CLOCK: variants seen among roughly 807,000 people sequenced by gnomAD.
The protein encoded by CLOCK is clock circadian regulator, also known as circadian locomoter output cycles protein kaput.
Under a neutral mutation model 118.4 loss-of-function variants are expected in CLOCK, and 43 were observed. The observed-to-expected ratio is 0.36, with a 90% CI of 0.28 to 0.47. CLOCK has a LOEUF of 0.47. Ranked by LOEUF, CLOCK falls within the 20% of genes least tolerant of loss-of-function variation. The pLI is 1.00. For missense variants in CLOCK, 846 were observed against 999.9 expected, an observed-to-expected ratio of 0.85 and a Z score of 2.08; for synonymous variants, 326 against 339.2, an observed-to-expected ratio of 0.96 and a Z score of 0.43.
chr4:55,515,439 A>G (rs1729444240), intron 1 of CLOCK, among the ~76,000 whole-genome samples: 1 of 152,178 alleles, frequency 6.6e-6, no homozygotes. Flanking sequence ...CAGTGGCACA[A>G]TCTCGGCTCA....
chr4:55,448,650 A>AG (rs1404334873), intron 18 of CLOCK, 129 bp downstream of exon 18: 2 of 552,884 alleles, frequency 3.6e-6, no homozygotes, highest in Non-Finnish European at 6.7e-6. Context: ...GTGTGCTCCT[A>AG]CCTCAGCCTC....
chr4:55,440,419 G>A (rs181885685), intron 21 of CLOCK, among the ~76,000 whole-genome samples: 8 of 152,202 alleles, frequency 5.3e-5, no homozygotes, highest in African/African-American at 1.9e-4. Flanking sequence ...TGCCTTTTCT[G>A]TGAGATGAAG....
chr4:55,489,888 C>G (rs1727556108), intron 2 of CLOCK, among the ~76,000 whole-genome samples: 1 of 151,520 alleles, frequency 6.6e-6, no homozygotes, highest in Non-Finnish European at 1.5e-5. Context: ...CATGTGAGGA[C>G]TGACACAAGA....
At position 55,521,432 on chromosome 4, in the gene CLOCK, G is replaced by A. The variant is rs749378672; in HGVS notation, c.-289-11367C>T. Among the ~76,000 whole-genome samples, 8 of 152,256 alleles carry A rather than the reference G, an allele frequency of 5.3e-5. No homozygotes were observed. In the East Asian group the frequency reaches 1.2e-3, roughly 22 times the overall value. On this transcript the variant is annotated intron_variant, in intron 1 of 22. Coordinates refer to ENST00000513440, the MANE Select transcript of CLOCK (RefSeq NM_004898.4). ...GGGGTTTCACCGTGTTAGTCACACC[G>A]GTCTTGAACTCCTGACCTAAGGTGA...
At chr4:55,439,621 T>C (rs1336101326) in intron 21 of CLOCK, among the ~76,000 whole-genome samples, 1 of 152,176 alleles carries the variant, frequency 6.6e-6, no homozygotes, top group Admixed American at 6.5e-5. Flanking sequence ...CAAGACTCCA[T>C]TGACAGACGG....
rs1389762364 is a variant in CLOCK, at chr4:55,459,175, T to C, written c.646A>G (p.Ile216Val). 1.9e-6 allele frequency: 3 copies of C among 1,604,374 alleles called. No individual in the cohort carries two copies. Among genetic ancestry groups the C allele is most frequent in the Non-Finnish European group, 1.7e-6 (2 of 1,171,200 alleles). The change falls in exon 10 of 23, where the codon ATA (isoleucine) becomes GTA (valine). Residue 216 changes from isoleucine (I) to valine (V), a missense_variant. Ile to Val is a conservative substitution (Grantham distance 29, BLOSUM62 3). Transcript: ENST00000513440. ...EPSTYEYVKF[I>V]GNFKSLNSVS... is the part of the protein sequence containing the mutation. ...CTGTTTAAAGATTTGAAATTTCCTA[T>C]AAATTTTACATATTCATAGGTAGAT... is the stretch of plus-strand genomic sequence containing the variant.
chr4:55,497,170 T>C (rs1728137296), intron 2 of CLOCK, among the ~76,000 whole-genome samples: 1 of 152,176 alleles, frequency 6.6e-6, no homozygotes, highest in African/African-American at 2.4e-5. Flanking sequence ...AATTCCCTCC[T>C]GTAAGCTCTA....
chr4:55,449,421 T>C lies in CLOCK; in HGVS notation c.1424A>G (p.Gln475Arg). The change falls in exon 17 of 23, where the codon CAA becomes CGA. Residue 475 changes from glutamine to arginine, a missense_variant. Transcript: ENST00000513440. ...QHLPAHEKMVQRRSSFSSQSI... is the reference protein window; with the variant it reads ...QHLPAHEKMVRRRSSFSSQSI... ...CTGACTACTAAATGATGACCTTCTT[T>C]GCACCATCTTCTCATGAGCTGGTAA... is the stretch of plus-strand genomic sequence containing the variant. 1 of 1,614,014 alleles carries C rather than the reference T, an allele frequency of 6.2e-7. No individual in the cohort carries two copies. The highest frequency in any genetic ancestry group is 1.1e-5 in the South Asian group (1 of 91,084).
At chr4:55,456,092 AT>A in intron 12 of CLOCK, 89 bp from the exon 13 acceptor site, 13 of 1,363,888 alleles carry the variant, frequency 9.5e-6, no homozygotes, top group Non-Finnish European at 1.2e-5. Context: ...GGGGGGCTTT[AT>A]TTTTCAAAAA....
intron 1 of CLOCK, among the ~76,000 whole-genome samples, chr4:55,539,296 C>A (rs1731100342): frequency 6.7e-6 from 1 of 150,220 alleles, no homozygotes; most frequent in Admixed American, 6.6e-5. Context: ...GGTGAAACTG[C>A]CGTGCATGGT....
intron 2 of CLOCK, 55 bp from the exon 3 acceptor site, chr4:55,489,520 T>C (rs1213921847): frequency 6.6e-6 from 1 of 152,098 alleles, no homozygotes; most frequent in Admixed American, 6.5e-5. Flanking sequence ...AAGTTTATCA[T>C]TAAAAGGGTT....
chr4:55,470,301 T>A (rs1475405193), intron 8 of CLOCK, among the ~76,000 whole-genome samples: 1 of 152,180 alleles, frequency 6.6e-6, no homozygotes, highest in Non-Finnish European at 1.5e-5. Context: ...TAGGTATTTT[T>A]AAACATATAA....
intron 8 of CLOCK, among the ~76,000 whole-genome samples, chr4:55,467,067 C>G (rs995545060): frequency 9.9e-5 from 15 of 152,086 alleles, no homozygotes; most frequent in African/African-American, 3.1e-4. Flanking sequence ...CTACCTTGTC[C>G]ATTTTTCTGT....
intron 6 of CLOCK, among the ~76,000 whole-genome samples, chr4:55,477,476 A>C (rs573921268): frequency 6.6e-6 from 1 of 151,834 alleles, no homozygotes; most frequent in East Asian, 1.9e-4. Flanking sequence ...AAGGAAGCTG[A>C]AAAAAAATCC....
intron 8 of CLOCK, among the ~76,000 whole-genome samples, chr4:55,464,617 G>A (rs1377866533): frequency 6.6e-6 from 1 of 152,186 alleles, no homozygotes; most frequent in Non-Finnish European, 1.5e-5. Context: ...GAAGTAAAAA[G>A]GAGCTGAGAA....
chr4:55,470,795 A>C lies in CLOCK; in HGVS notation c.360T>G (p.Gly120=), dbSNP rs1334750593. The change falls in exon 8 of 23, where the codon GGT becomes GGG. Residue 120 remains glycine (G), a synonymous_variant. Coordinates refer to ENST00000513440, the MANE Select transcript of CLOCK (RefSeq NM_004898.4). ...CATCTGTCATGATTGCTAAAAAAAA[A>C]CCATCAAGAGCCTGAAATTAAACAT... The part of the protein sequence containing the change: ...FTQLMLEALD[G]FFLAIMTDGS... 82 of 1,609,134 alleles carry C rather than the reference A, an allele frequency of 5.1e-5. No individual in the cohort carries two copies. The highest frequency in any genetic ancestry group is 6.5e-5 in the Non-Finnish European group (77 of 1,176,348).
At chr4:55,498,020 T>C (rs1218577182) in intron 2 of CLOCK, among the ~76,000 whole-genome samples, 1 of 152,028 alleles carries the variant, frequency 6.6e-6, no homozygotes, top group African/African-American at 2.4e-5. Context: ...ATTTCATTAG[T>C]ACTATAAATC....
intron 9 of CLOCK, among the ~76,000 whole-genome samples, chr4:55,460,301 T>C (rs1238639735): frequency 2.0e-5 from 3 of 152,240 alleles, no homozygotes; most frequent in Non-Finnish European, 2.9e-5. Flanking sequence ...AAGGTTCTTC[T>C]GATCCTAAAT....
intron 1 of CLOCK, among the ~76,000 whole-genome samples, chr4:55,526,982 G>A (rs1378640285): frequency 2.1e-5 from 3 of 140,328 alleles, no homozygotes; most frequent in South Asian, 2.3e-4. Context: ...ACTCCGTAAT[G>A]AGGCAACAAT....
Sources: gnomAD v4.1 joint callset for allele counts (sites outside exome capture counted in the v4.1 genomes callset) on GRCh38, gnomAD v4.1.1 for gene constraint, MANE v1.5 for transcripts, NCBI Gene and HGNC (gene_info 2026-07-23, HGNC 2026-07-21) for gene names.